The following SYT17 variants were observed in gnomAD, a reference collection of about 807,000 sequenced individuals.
SYT17 encodes synaptotagmin 17.
Under a neutral mutation model 46.7 loss-of-function variants are expected in SYT17, and 22 were observed. That is an observed-to-expected ratio of 0.47 (90% CI 0.34 to 0.67). The LOEUF (loss-of-function observed/expected upper bound fraction) is 0.67. Ranked by LOEUF, SYT17 falls within the 30% of genes least tolerant of loss-of-function variation. SYT17 has a pLI of 0.01. For synonymous variants in SYT17, 251 were observed against 248.4 expected (o/e 1.01, Z -0.10); for missense variants, 519 against 612.8 (o/e 0.85, Z 1.62).
In SYT17 at chr16:19,212,418, C is replaced by T. The variant is rs538702513; in HGVS notation, c.952-10627C>T. Among the ~76,000 whole-genome samples the T allele has an allele frequency of 2.9e-3, 439 of 152,118 alleles. 1 individual carries two copies. Among genetic ancestry groups the T allele is most frequent in the Non-Finnish European group, 4.8e-3 (326 of 67,988 alleles). On this transcript the variant is annotated intron_variant, in intron 5 of 7. Coordinates refer to ENST00000355377, the MANE Select transcript of SYT17 (RefSeq NM_016524.4). ...GGCAGATCACTTGAGGTCAGGAGTT[C>T]GAGACCAGCCTGGCCAGCATGGTAA...
At chr16:19,250,817 C>G (rs1422035051) in intron 7 of SYT17, among the ~76,000 whole-genome samples, 2 of 152,130 alleles carry the variant, frequency 1.3e-5, no homozygotes, top group Non-Finnish European at 2.9e-5. Flanking sequence ...TCCCATGTGA[C>G]CAGTACTCAG....
At chr16:19,212,621 CAATA>C (rs1034083776) in intron 5 of SYT17, among the ~76,000 whole-genome samples, 3 of 151,974 alleles carry the variant, frequency 2.0e-5, no homozygotes, top group African/African-American at 7.2e-5. Context: ...ATTCCTGTCA[CAATA>C]AATAAATAAA....
chr16:19,246,623 G>A (rs990665770), intron 7 of SYT17, among the ~76,000 whole-genome samples: 4 of 152,230 alleles, frequency 2.6e-5, no homozygotes, highest in Non-Finnish European at 4.4e-5. Context: ...GTATGTATAC[G>A]TATGTGTGTG....
At chr16:19,170,048 A>G (rs922850208) in intron 1 of SYT17, 2 of 152,208 alleles carry the variant, frequency 1.3e-5, no homozygotes, top group African/African-American at 4.8e-5. Flanking sequence ...AGCATCTCAT[A>G]TGGCGATGAC....
chr16:19,208,452 T>C (rs1452060614), intron 5 of SYT17, among the ~76,000 whole-genome samples: 1 of 152,162 alleles, frequency 6.6e-6, no homozygotes, highest in Non-Finnish European at 1.5e-5. Flanking sequence ...ACGGCTTACA[T>C]GGCAGCAGGA....
chr16:19,236,490 T>TCTAGGA (rs1367425339), intron 7 of SYT17, among the ~76,000 whole-genome samples: 5 of 152,162 alleles, frequency 3.3e-5, no homozygotes, highest in African/African-American at 1.2e-4. Flanking sequence ...TTCTGAGGTC[T>TCTAGGA]CTAGGACTAC....
In SYT17 at chr16:19,183,281, T is replaced by G. The variant is rs1185040246; in HGVS notation, c.332-247T>G. On this transcript the variant is annotated intron_variant, in intron 4 of 7. Coordinates refer to ENST00000355377, the MANE Select transcript of SYT17 (RefSeq NM_016524.4). The surrounding 1 kb of genome is among the most constrained non-coding windows in gnomAD (Gnocchi z 5.6). ...GATGTGAAGATTGTGATTGCACATA[T>G]GCGATGATGTAGTGTACACAGTCCA... Among the ~76,000 whole-genome samples the G allele has an allele frequency of 6.6e-6, 1 of 152,196 alleles. No homozygotes were observed. The highest frequency in any genetic ancestry group is 2.4e-5 in the African/African-American group (1 of 41,450).
intron 5 of SYT17, among the ~76,000 whole-genome samples, chr16:19,207,776 T>G (rs1965730031): frequency 6.6e-6 from 1 of 151,988 alleles, no homozygotes; most frequent in African/African-American, 2.4e-5. Context: ...GCACAGTGGC[T>G]CATACCTGTA....
At chr16:19,242,045 C>T (rs1174922310) in intron 7 of SYT17, among the ~76,000 whole-genome samples, 1 of 151,710 alleles carries the variant, frequency 6.6e-6, no homozygotes, top group Non-Finnish European at 1.5e-5. Context: ...GATCCTGGAG[C>T]CAGGATTCAA....
intron 7 of SYT17, among the ~76,000 whole-genome samples, chr16:19,253,844 C>T (rs1416619506): frequency 6.6e-6 from 1 of 152,110 alleles, no homozygotes; most frequent in African/African-American, 2.4e-5. Context: ...TCTCCTGTCT[C>T]AGCCTCCCGA....
At chr16:19,257,792 G>T (rs1968684490) in intron 7 of SYT17, among the ~76,000 whole-genome samples, 1 of 152,126 alleles carries the variant, frequency 6.6e-6, no homozygotes, top group Non-Finnish European at 1.5e-5. Flanking sequence ...AGGTTTCGGG[G>T]TGCCAGCCAT....
At chr16:19,237,361 T>C (rs1291885864) in intron 7 of SYT17, among the ~76,000 whole-genome samples, 1 of 152,168 alleles carries the variant, frequency 6.6e-6, no homozygotes, top group African/African-American at 2.4e-5. Context: ...CCCACACTTT[T>C]GAGGCAGGAG....
At chr16:19,261,178 C>G (rs76416544) in intron 7 of SYT17, among the ~76,000 whole-genome samples, 2 of 152,172 alleles carry the variant, frequency 1.3e-5, no homozygotes, top group African/African-American at 4.8e-5. Flanking sequence ...TTTTCTCCAA[C>G]ACACTTAGAA....
chr16:19,210,399 G>A (rs114843397), intron 5 of SYT17, among the ~76,000 whole-genome samples: 4,207 of 151,460 alleles, frequency 0.028, 240 homozygotes, highest in African/African-American at 0.097. Context: ...CTCACTAACT[G>A]TATGTTTGTA....
chr16:19,235,188 G>T (rs537217824), intron 7 of SYT17, among the ~76,000 whole-genome samples: 36 of 152,158 alleles, frequency 2.4e-4, no homozygotes, highest in Non-Finnish European at 3.7e-4. Flanking sequence ...TAAAGGGGAA[G>T]AACTTAAGAA....
chr16:19,217,834 T>G (rs1966154541), intron 5 of SYT17, among the ~76,000 whole-genome samples: 1 of 152,096 alleles, frequency 6.6e-6, no homozygotes, highest in South Asian at 2.1e-4. Flanking sequence ...GCTTATGATT[T>G]TGTGTGTGTG....
chr16:19,171,540 G>A (rs1408449315), intron 1 of SYT17: 1 of 152,108 alleles, frequency 6.6e-6, no homozygotes, highest in African/African-American at 2.4e-5. Context: ...GGCCAGGCTG[G>A]TCTCAAACTC....
At position 19,173,504 on chromosome 16, in the gene SYT17, G is replaced by A; in HGVS notation, c.108G>A (p.Glu36=). 1 of 1,613,730 alleles carries A rather than the reference G, an allele frequency of 6.2e-7. No individual in the cohort carries two copies. Residue 36 remains glutamate (E), a synonymous_variant, in exon 3 of 8, where the codon GAG becomes GAA. Coordinates refer to ENST00000355377, the MANE Select transcript of SYT17 (RefSeq NM_016524.4). ...TCRHCCQKCY[E]SSCCQSSEDE... ...GGCACTGCTGTCAGAAGTGCTACGA[G>A]TCCAGCTGTTGCCAGTCAAGTGAGG...
chr16:19,266,817 T>A (rs1468397052), intron 7 of SYT17, 63 bp from the exon 8 acceptor site: 1 of 1,495,922 alleles, frequency 6.7e-7, no homozygotes, highest in African/African-American at 1.4e-5. Flanking sequence ...TCTCCCTGCC[T>A]TCCTGTTCTG....
Sources: gnomAD v4.1 joint callset for allele counts (sites outside exome capture counted in the v4.1 genomes callset) on GRCh38, gnomAD v4.1.1 for gene constraint, Gnocchi (gnomAD v3.1) non-coding constraint, MANE v1.5 for transcripts, NCBI Gene and HGNC (gene_info 2026-07-23, HGNC 2026-07-21) for gene names.